PCBP3: variants seen among roughly 807,000 people sequenced by gnomAD.
The protein encoded by PCBP3 is poly(rC) binding protein 3.
In PCBP3, 25 loss-of-function variants were observed where a neutral mutation model predicts 52.7. The ratio of observed to expected loss-of-function variants is 0.47; its 90% CI spans 0.35 to 0.66. The LOEUF is 0.66. Ranked by LOEUF, PCBP3 falls within the 30% of genes least tolerant of loss-of-function variation. The pLI is 0.01. For synonymous variants in PCBP3, 162 were observed against 183.0 expected (o/e 0.89, Z 0.93); for missense variants, 391 against 490.3 (o/e 0.80, Z 1.91).
chr21:45,924,310 G>A (rs1174735723), intron 13 of PCBP3, among the ~76,000 whole-genome samples: 24 of 130,720 alleles, frequency 1.8e-4, no homozygotes, highest in South Asian at 5.1e-4. Flanking sequence ...GGGAACAGTC[G>A]CGTGGGTAGA....
At chr21:45,939,235 A>G (rs2077195096) in intron 16 of PCBP3, among the ~76,000 whole-genome samples, 1 of 152,180 alleles carries the variant, frequency 6.6e-6, no homozygotes, top group Non-Finnish European at 1.5e-5. Flanking sequence ...TCCGTGGCCT[A>G]TGCGTGCATG....
rs569072923 is a variant in PCBP3, at chr21:45,804,383, C to T, written c.-125-45578C>T. Among the ~76,000 whole-genome samples the T allele has an allele frequency of 2.6e-5, 4 of 152,262 alleles. No individual in the cohort carries two copies. In the East Asian group the frequency reaches 7.7e-4, roughly 29 times the overall value. On this transcript the variant is annotated intron_variant, in intron 4 of 17. Transcript: ENST00000681687. ...TCCATGTAGATTATATTGATTTACT[C>T]CAGCTATTTGAAAGGCTTTGAGGTG...
intron 5 of PCBP3, among the ~76,000 whole-genome samples, chr21:45,855,772 C>T (rs1221570597): frequency 3.3e-5 from 5 of 152,266 alleles, no homozygotes; most frequent in East Asian, 1.9e-4. Flanking sequence ...GCACAGAACG[C>T]GCTGCAGAGG....
intron 2 of PCBP3, among the ~76,000 whole-genome samples, chr21:45,682,892 C>T (rs1276572725): frequency 6.6e-6 from 1 of 152,104 alleles, no homozygotes; most frequent in Admixed American, 6.5e-5. Context: ...ACTGGAGATT[C>T]ATCAGCCCAT....
At chr21:45,825,355 C>G (rs769335231) in intron 4 of PCBP3, among the ~76,000 whole-genome samples, 1 of 152,172 alleles carries the variant, frequency 6.6e-6, no homozygotes, top group African/African-American at 2.4e-5. Context: ...CCTCCCTGAT[C>G]GTCATCTCTT....
At chr21:45,865,118 G>C (rs970627263) in intron 5 of PCBP3, among the ~76,000 whole-genome samples, 1 of 152,132 alleles carries the variant, frequency 6.6e-6, no homozygotes, top group Non-Finnish European at 1.5e-5. Context: ...TCATATTTAT[G>C]ATTATAAATG....
At chr21:45,809,066 C>T (rs1026010449) in intron 4 of PCBP3, among the ~76,000 whole-genome samples, 2 of 152,106 alleles carry the variant, frequency 1.3e-5, no homozygotes, top group Non-Finnish European at 2.9e-5. Flanking sequence ...CAAGGGATAG[C>T]ATTAGGAGAA....
At chr21:45,865,707 G>A (rs759978428) in intron 5 of PCBP3, among the ~76,000 whole-genome samples, 15 of 152,170 alleles carry the variant, frequency 9.9e-5, no homozygotes, top group African/African-American at 1.7e-4. Flanking sequence ...CCCTGCAGAC[G>A]CCACACAGCC....
intron 2 of PCBP3, among the ~76,000 whole-genome samples, chr21:45,672,847 C>T (rs1023458744): frequency 2.6e-5 from 4 of 152,194 alleles, no homozygotes. Flanking sequence ...TATTTCTGGA[C>T]TGTCTCTAGA....
At chr21:45,918,054 G>A in intron 13 of PCBP3, 1 of 266,864 alleles carries the variant, frequency 3.7e-6, no homozygotes, top group Non-Finnish European at 7.3e-6. Context: ...TTGAGGGCCT[G>A]GTGAAATTAA....
At chr21:45,900,969 C>T (rs1204024050) in intron 8 of PCBP3, 28 bp from the exon 9 acceptor site, 6 of 1,543,656 alleles carry the variant, frequency 3.9e-6, no homozygotes, top group Admixed American at 1.7e-5. Context: ...TTAATCAGGT[C>T]GCTGGGGTTT....
At chr21:45,748,581 G>C (rs1204180324) in intron 3 of PCBP3, among the ~76,000 whole-genome samples, 2 of 152,222 alleles carry the variant, frequency 1.3e-5, no homozygotes, top group Non-Finnish European at 2.9e-5. Context: ...CTGTTTCCCA[G>C]CCTCTGCCCT....
chr21:45,708,856 CAT>C (rs2148108130), intron 2 of PCBP3, among the ~76,000 whole-genome samples: 1 of 152,356 alleles, frequency 6.6e-6, no homozygotes, highest in East Asian at 1.9e-4. Context: ...TGTTCACACA[CAT>C]GTCCAGTTGT....
intron 5 of PCBP3, among the ~76,000 whole-genome samples, chr21:45,868,337 G>A (rs987442385): frequency 6.6e-6 from 1 of 152,070 alleles, no homozygotes; most frequent in Admixed American, 6.5e-5. Flanking sequence ...GCCTGGAGGC[G>A]GCCCACATCC....
chr21:45,799,571 G>C (rs1185318993), intron 4 of PCBP3, among the ~76,000 whole-genome samples: 1 of 152,106 alleles, frequency 6.6e-6, no homozygotes, highest in Non-Finnish European at 1.5e-5. Context: ...TTGGATAAGG[G>C]GGGAGGGCTG....
intron 2 of PCBP3, among the ~76,000 whole-genome samples, chr21:45,718,498 G>A (rs1227742267): frequency 1.3e-5 from 2 of 152,088 alleles, no homozygotes; most frequent in Non-Finnish European, 2.9e-5. Context: ...CTGTTCTGCC[G>A]CTTCCATGCC....
intron 3 of PCBP3, among the ~76,000 whole-genome samples, chr21:45,751,263 CTTTT>C (rs893623071): frequency 1.3e-5 from 2 of 152,174 alleles, no homozygotes; most frequent in African/African-American, 2.4e-5. Context: ...TGTTTCTCTT[CTTTT>C]TTCTTTCTCA....
At chr21:45,884,825 G>T (rs901906966) in intron 5 of PCBP3, among the ~76,000 whole-genome samples, 5 of 152,220 alleles carry the variant, frequency 3.3e-5, no homozygotes, top group African/African-American at 1.2e-4. Flanking sequence ...CAGTTGGAGG[G>T]AAGAAACTGT....
intron 5 of PCBP3, among the ~76,000 whole-genome samples, chr21:45,885,565 T>G (rs1266089104): frequency 4.6e-5 from 7 of 152,188 alleles, no homozygotes; most frequent in Admixed American, 4.6e-4. Flanking sequence ...AGGGGCCCCA[T>G]CTGTGTGTCT....
Sources: allele counts gnomAD v4.1 joint callset (sites outside exome capture counted in the v4.1 genomes callset), GRCh38; gene constraint gnomAD v4.1.1; transcripts MANE v1.5; gene names NCBI Gene and HGNC (gene_info 2026-07-23, HGNC 2026-07-21).